The following VOPP1 variants were observed in gnomAD, a reference collection of about 807,000 sequenced individuals.
The protein encoded by VOPP1 is VOPP1 WW domain binding protein.
Under a neutral mutation model 23.5 loss-of-function variants are expected in VOPP1, and 8 were observed. The observed-to-expected ratio is 0.34, with a 90% confidence interval of 0.20 to 0.61. The LOEUF (loss-of-function observed/expected upper bound fraction) is 0.61. VOPP1 is among the 20% of genes least tolerant of loss of function. VOPP1 has a pLI of 0.78. For synonymous variants in VOPP1, 83 were observed against 97.3 expected (o/e 0.85, Z 0.86); for missense variants, 174 against 238.1 (o/e 0.73, Z 1.77).
chr7:55,490,118 C>T (rs1793458259), intron 4 of VOPP1, among the ~76,000 whole-genome samples: 1 of 152,068 alleles, frequency 6.6e-6, no homozygotes, highest in Admixed American at 6.5e-5. Flanking sequence ...TGTGGACTTA[C>T]ACTGTGAGCC....
intron 1 of VOPP1, among the ~76,000 whole-genome samples, chr7:55,564,456 G>A (rs1300204775): frequency 1.3e-5 from 2 of 152,100 alleles, no homozygotes; most frequent in Non-Finnish European, 1.5e-5. Flanking sequence ...TAAAAGTCAA[G>A]CTGTCACCTG....
chr7:55,517,867 A>G (rs1316799996), intron 2 of VOPP1, among the ~76,000 whole-genome samples: 1 of 152,092 alleles, frequency 6.6e-6, no homozygotes, highest in Non-Finnish European at 1.5e-5. Flanking sequence ...AGCTTTGGAG[A>G]AGACAGTTTT....
chr7:55,446,288 C>T (rs554337362), intron 4 of VOPP1, among the ~76,000 whole-genome samples: 14 of 152,274 alleles, frequency 9.2e-5, no homozygotes, highest in African/African-American at 2.2e-4. Flanking sequence ...CCACCGCGCC[C>T]GGCCGAGGTG....
rs771343242 is a variant in VOPP1, at chr7:55,492,366, G to T, written c.244C>A (p.Arg82=). 6.2e-7 allele frequency: 1 copy of T among 1,609,236 alleles called. No homozygotes were observed. Among genetic ancestry groups the T allele is most frequent in the Non-Finnish European group, 8.5e-7 (1 of 1,177,856 alleles). ...AGCGGCGGGGGGTACATGCGCCTCC[G>T]GATGAAGAAGCCGGCTCCGCAGCAG... ...LFCCGAGFFI[R]RRMYPPPLIE... Residue 82 remains arginine (R), a synonymous_variant, in exon 4 of 5, where the codon CGG becomes AGG. Transcript: ENST00000285279.
At chr7:55,565,253 G>A (rs768910047) in intron 1 of VOPP1, among the ~76,000 whole-genome samples, 14 of 152,070 alleles carry the variant, frequency 9.2e-5, no homozygotes, top group Non-Finnish European at 1.5e-4. Context: ...TTCGCGTTTA[G>A]ACACCCTCCT....
intron 4 of VOPP1, among the ~76,000 whole-genome samples, chr7:55,461,381 C>T (rs553443469): frequency 2.6e-5 from 4 of 152,072 alleles, no homozygotes; most frequent in Middle Eastern, 3.4e-3. Context: ...CAATAACCTA[C>T]AGAAATTTAA....
chr7:55,540,442 T>TAAAA lies in VOPP1; in HGVS notation c.55-19316_55-19313dup, dbSNP rs1554299348. Among the ~76,000 whole-genome samples the TAAAA allele has an allele frequency of 6.3e-4, 86 of 136,094 alleles. 1 individual carries two copies. Among genetic ancestry groups the TAAAA allele is most frequent in the Middle Eastern group, 3.7e-3 (1 of 268 alleles). The allele number at this position is 136,094 out of a possible 152,430, so 89.3% of individuals were successfully genotyped here. On this transcript the variant is annotated intron_variant, in intron 1 of 4. Coordinates refer to ENST00000285279, the MANE Select transcript of VOPP1 (RefSeq NM_030796.5). ...ATAAATAAATAAATAAATAAATAAA[T>TAAAA]AAAAATAAATGAACTCCCATTCCGT... is the stretch of plus-strand genomic sequence containing the variant.
intron 1 of VOPP1, chr7:55,561,859 T>C: frequency 2.9e-6 from 2 of 679,268 alleles, no homozygotes; most frequent in East Asian, 2.7e-5. Flanking sequence ...CATACCCAAG[T>C]GGACAATGAG....
At chr7:55,514,727 T>C (rs909109804) in intron 2 of VOPP1, among the ~76,000 whole-genome samples, 5 of 152,074 alleles carry the variant, frequency 3.3e-5, no homozygotes, top group African/African-American at 1.2e-4. Flanking sequence ...CATCCCCAGC[T>C]CTCTGGAGAT....
intron 4 of VOPP1, among the ~76,000 whole-genome samples, chr7:55,452,756 C>T (rs993778717): frequency 6.6e-6 from 1 of 152,170 alleles, no homozygotes; most frequent in African/African-American, 2.4e-5. Context: ...AGAAGCAGTG[C>T]GCTTAAAACA....
In VOPP1 at chr7:55,519,762, G is replaced by A. The variant is rs565537586; in HGVS notation, c.113+1310C>T. On this transcript the variant is annotated intron_variant, in intron 2 of 4. Coordinates refer to ENST00000285279, the MANE Select transcript of VOPP1 (RefSeq NM_030796.5). ...GTATGAAACCAAGATGACGAACATGGCCAGCTTCCGTGTGCTTTACCCGCA... is the reference window on the plus strand; with the variant it reads ...GTATGAAACCAAGATGACGAACATGACCAGCTTCCGTGTGCTTTACCCGCA... 7.2e-5 allele frequency among the ~76,000 whole-genome samples: 11 copies of A among 152,268 alleles called. No individual in the cohort carries two copies. The South Asian group carries it at 2.3e-3, about 32-fold the overall frequency.
intron 4 of VOPP1, among the ~76,000 whole-genome samples, chr7:55,448,534 G>C (rs886647576): frequency 1.4e-5 from 2 of 146,744 alleles, no homozygotes; most frequent in African/African-American, 2.4e-5. Flanking sequence ...TTTTTCGCTC[G>C]AGCCCCGGTC....
At chr7:55,569,381 GA>G (rs1798273040) in intron 1 of VOPP1, among the ~76,000 whole-genome samples, 1 of 152,208 alleles carries the variant, frequency 6.6e-6, no homozygotes, top group African/African-American at 2.4e-5. Context: ...AAGGAAGGGT[GA>G]CTGAGTTTCT....
chr7:55,444,546 T>C (rs1034316098), intron 4 of VOPP1, among the ~76,000 whole-genome samples: 2 of 149,726 alleles, frequency 1.3e-5, no homozygotes, highest in Non-Finnish European at 3.0e-5. Context: ...GGCACAAATA[T>C]CAGGAGGCAG....
chr7:55,555,361 G>A (rs935826702), intron 1 of VOPP1, among the ~76,000 whole-genome samples: 4 of 152,158 alleles, frequency 2.6e-5, no homozygotes, highest in Non-Finnish European at 5.9e-5. Flanking sequence ...TACCATTTCC[G>A]CACATGTGAA....
rs1242986283 is a variant in VOPP1 at position 55,470,901 on chromosome 7, A to C, written c.*1954T>G. 5.3e-5 allele frequency: 8 copies of C among 152,292 alleles called. No individual in the cohort carries two copies. The highest frequency in any genetic ancestry group is 7.4e-5 in the Non-Finnish European group (5 of 67,990). 9.4% of individuals were successfully genotyped at this position (152,292 alleles called of 1,614,324 possible). ...GTTCACAGTAGCACAATTCTAACCA[A>C]GTTCAAGGGAAAACAAACTCTGTCT... On this transcript the variant is annotated 3_prime_UTR_variant, in exon 5 of 5. Coordinates refer to ENST00000285279, the MANE Select transcript of VOPP1 (RefSeq NM_030796.5).
At chr7:55,567,472 T>A (rs1798200879) in intron 1 of VOPP1, among the ~76,000 whole-genome samples, 1 of 152,096 alleles carries the variant, frequency 6.6e-6, no homozygotes, top group Non-Finnish European at 1.5e-5. Flanking sequence ...ATAGAGTGAG[T>A]TCTAGGAAAT....
At chr7:55,440,343 C>A (rs1393509251) in intron 4 of VOPP1, among the ~76,000 whole-genome samples, 2 of 152,170 alleles carry the variant, frequency 1.3e-5, no homozygotes, top group African/African-American at 4.8e-5. Context: ...TCCTGCTGAG[C>A]AGGCTCCCAG....
chr7:55,536,944 T>C (rs1455934420), intron 1 of VOPP1, among the ~76,000 whole-genome samples: 2 of 152,172 alleles, frequency 1.3e-5, no homozygotes, highest in Non-Finnish European at 2.9e-5. Context: ...CGCAGAGCTC[T>C]TGAGGCACCA....
Sources: allele counts gnomAD v4.1 joint callset (sites outside exome capture counted in the v4.1 genomes callset), GRCh38; gene constraint gnomAD v4.1.1; transcripts MANE v1.5; gene names NCBI Gene and HGNC (gene_info 2026-07-23, HGNC 2026-07-21).